CDH18: variants seen among roughly 807,000 people sequenced by gnomAD.
CDH18 encodes cadherin 18.
A neutral mutation model predicts 67.9 loss-of-function variants in CDH18; 31 were observed. That is an observed-to-expected ratio of 0.46 (90% CI 0.34 to 0.62). The LOEUF is 0.62. Ranked by LOEUF, CDH18 falls within the 20% of genes least tolerant of loss-of-function variation. The pLI is 0.01. For synonymous variants in CDH18, 362 were observed against 347.2 expected (o/e 1.04, Z -0.48); for missense variants, 890 against 975.5 (o/e 0.91, Z 1.17).
At chr5:19,478,163 C>T (rs1321126734) in intron 12 of CDH18, among the ~76,000 whole-genome samples, 10 of 152,024 alleles carry the variant, frequency 6.6e-5, no homozygotes, top group African/African-American at 2.4e-4. Context: ...CATTCCAGTG[C>T]TTGGCATACT....
chr5:19,714,425 ATTT>A (rs988176965), intron 5 of CDH18, among the ~76,000 whole-genome samples: 1 of 151,462 alleles, frequency 6.6e-6, no homozygotes, highest in Non-Finnish European at 1.5e-5. Context: ...TCTACAGCTG[ATTT>A]TTTTTCTTGT....
intron 2 of CDH18, among the ~76,000 whole-genome samples, chr5:20,166,462 A>G (rs1336248313): frequency 1.3e-5 from 2 of 150,758 alleles, no homozygotes; most frequent in Non-Finnish European, 3.0e-5. Context: ...AAAGAAAAGA[A>G]AAGAAAAGAA....
chr5:19,504,304 C>T (rs1001875362), intron 10 of CDH18, among the ~76,000 whole-genome samples: 1 of 152,026 alleles, frequency 6.6e-6, no homozygotes, highest in African/African-American at 2.4e-5. Context: ...CATCACTGCT[C>T]AAAAGATACA....
intron 2 of CDH18, among the ~76,000 whole-genome samples, chr5:20,056,214 G>A (rs1741899122): frequency 1.3e-5 from 2 of 149,524 alleles, no homozygotes; most frequent in African/African-American, 4.9e-5. Flanking sequence ...CATAATGTCA[G>A]GCTGGTCTTG....
intron 2 of CDH18, among the ~76,000 whole-genome samples, chr5:20,020,603 A>T (rs138283970): frequency 6.6e-6 from 1 of 152,276 alleles, no homozygotes; most frequent in Non-Finnish European, 1.5e-5. Flanking sequence ...CAGAGGGTGT[A>T]AGCCATAATA....
chr5:20,217,419 G>T (rs887503934), intron 2 of CDH18, among the ~76,000 whole-genome samples: 6 of 151,768 alleles, frequency 4.0e-5, no homozygotes, highest in African/African-American at 1.2e-4. Context: ...CTCCTTGTTT[G>T]TTTGTTTATT....
chr5:20,102,013 G>A (rs1399806234), intron 2 of CDH18, among the ~76,000 whole-genome samples: 1 of 152,186 alleles, frequency 6.6e-6, no homozygotes, highest in African/African-American at 2.4e-5. Context: ...AGAGGTTGCA[G>A]TGAGCTGAGA....
At chr5:19,485,498 A>T (rs917329652) in intron 11 of CDH18, among the ~76,000 whole-genome samples, 1 of 151,764 alleles carries the variant, frequency 6.6e-6, no homozygotes, top group Non-Finnish European at 1.5e-5. Flanking sequence ...CTCACGATCC[A>T]CCCGCCTCGG....
chr5:19,838,913 G>A lies in CDH18; in HGVS notation c.74C>T (p.Thr25Ile), dbSNP rs1781973243. ...CACCTTGATGGAGCTGTGGTGAGCA[G>A]TTCCATAACACCTCTGCACAAAACA... ...CLCFVQRCYGTAHHSSIKVMR... is the reference protein window; with the variant it reads ...CLCFVQRCYGIAHHSSIKVMR... Residue 25 changes from threonine (T) to isoleucine (I), a missense_variant, in exon 3 of 13, where the codon ACT becomes ATT. Coordinates refer to ENST00000382275, the MANE Select transcript of CDH18 (RefSeq NM_004934.5). 6.2e-7 allele frequency: 1 copy of A among 1,614,006 alleles called. No homozygotes were observed. Among genetic ancestry groups the A allele is most frequent in the South Asian group, 1.1e-5 (1 of 91,086 alleles).
chr5:19,579,168 C>T (rs1055820796), intron 7 of CDH18, among the ~76,000 whole-genome samples: 3 of 151,664 alleles, frequency 2.0e-5, no homozygotes, highest in Admixed American at 6.6e-5. Context: ...GAGCTATAAC[C>T]CTCTACAATT....
At chr5:19,710,205 C>A (rs955088756) in intron 5 of CDH18, among the ~76,000 whole-genome samples, 1 of 151,944 alleles carries the variant, frequency 6.6e-6, no homozygotes, top group African/African-American at 2.4e-5. Context: ...TTTCTAAATT[C>A]AATATATGGA....
At chr5:20,375,601 G>A (rs983469083) in intron 1 of CDH18, among the ~76,000 whole-genome samples, 4 of 152,126 alleles carry the variant, frequency 2.6e-5, no homozygotes, top group Non-Finnish European at 4.4e-5. Context: ...CTCCATTAGA[G>A]ACTGCGCCTT....
chr5:20,424,146 G>GA (rs1748090733), intron 1 of CDH18, among the ~76,000 whole-genome samples: 1 of 150,260 alleles, frequency 6.7e-6, no homozygotes, highest in Admixed American at 6.6e-5. Flanking sequence ...TCTACTAAAA[G>GA]AAAAAAGTAA....
At chr5:20,528,240 C>G (rs1359531256) in intron 1 of CDH18, among the ~76,000 whole-genome samples, 2 of 152,000 alleles carry the variant, frequency 1.3e-5, no homozygotes, top group African/African-American at 4.8e-5. Flanking sequence ...GCACCCAATA[C>G]AAGAGCACCC....
At chr5:20,561,549 A>G (rs1041453289) in intron 1 of CDH18, among the ~76,000 whole-genome samples, 1 of 152,064 alleles carries the variant, frequency 6.6e-6, no homozygotes, top group African/African-American at 2.4e-5. Flanking sequence ...ATACTGGAAA[A>G]CTATGTAGTC....
intron 1 of CDH18, among the ~76,000 whole-genome samples, chr5:20,380,147 A>G (rs1338531679): frequency 6.6e-6 from 1 of 152,160 alleles, no homozygotes. Context: ...ATAAAAATAT[A>G]TTTGTCCATT....
At chr5:19,691,756 G>T in intron 5 of CDH18, among the ~76,000 whole-genome samples, 1 of 151,560 alleles carries the variant, frequency 6.6e-6, no homozygotes, top group East Asian at 1.9e-4. Flanking sequence ...GACATCCCAC[G>T]CTCTTGGAAA....
At chr5:20,122,028 C>T (rs1352697744) in intron 2 of CDH18, among the ~76,000 whole-genome samples, 1 of 152,132 alleles carries the variant, frequency 6.6e-6, no homozygotes, top group Admixed American at 6.5e-5. Flanking sequence ...CTGTTGATCC[C>T]TCCCCCCTCT....
chr5:20,018,618 G>A (rs949960885), intron 2 of CDH18, among the ~76,000 whole-genome samples: 7 of 152,128 alleles, frequency 4.6e-5, no homozygotes, highest in African/African-American at 1.7e-4. Context: ...GACTTTTATA[G>A]AATTGGCTTC....
Sources: gnomAD v4.1 joint callset for allele counts (sites outside exome capture counted in the v4.1 genomes callset) on GRCh38, gnomAD v4.1.1 for gene constraint, MANE v1.5 for transcripts, NCBI Gene and HGNC (gene_info 2026-07-23, HGNC 2026-07-21) for gene names.